Variants in SOX6 observed in about 807,000 individuals in gnomAD.
SOX6 encodes the protein transcription factor SOX-6.
In SOX6, 11 loss-of-function variants were observed where a neutral mutation model predicts 97.8. That is an observed-to-expected ratio of 0.11 (90% CI 0.07 to 0.19). SOX6 has a LOEUF of 0.19. Ranked by LOEUF, SOX6 falls within the 10% of genes least tolerant of loss-of-function variation. The pLI is 1.00. For missense variants in SOX6, 810 were observed against 1,039.5 expected (o/e 0.78, Z 3.04); for synonymous variants, 360 against 371.4 (o/e 0.97, Z 0.35).
chr11:16,132,429 GAA>G (rs1489004011), intron 6 of SOX6, among the ~76,000 whole-genome samples: 4 of 89,368 alleles, frequency 4.5e-5, no homozygotes, highest in African/African-American at 2.0e-4. Context: ...AAGAAAGAAA[GAA>G]AGAAAGAAAG....
intron 3 of SOX6, among the ~76,000 whole-genome samples, chr11:16,638,840 T>C (rs939541829): frequency 5.3e-5 from 8 of 152,214 alleles, no homozygotes; most frequent in African/African-American, 1.9e-4. Flanking sequence ...GATGAGTAGA[T>C]TGCAAAAATT....
At chr11:16,513,231 A>G (rs1332262836) in intron 4 of SOX6, among the ~76,000 whole-genome samples, 1 of 152,234 alleles carries the variant, frequency 6.6e-6, no homozygotes, top group African/African-American at 2.4e-5. Context: ...AAGAAAATGT[A>G]CACAAGCTTA....
At chr11:16,637,581 G>A (rs67078773) in intron 3 of SOX6, among the ~76,000 whole-genome samples, 1 of 152,028 alleles carries the variant, frequency 6.6e-6, no homozygotes, top group South Asian at 2.1e-4. Flanking sequence ...GCTTTAGTTA[G>A]ATCCCAAAAA....
intron 4 of SOX6, among the ~76,000 whole-genome samples, chr11:16,522,318 C>A (rs988032630): frequency 2.0e-5 from 3 of 152,036 alleles, no homozygotes; most frequent in African/African-American, 7.2e-5. Flanking sequence ...ACAGTGGGGG[C>A]CAATATTCAA....
intron 3 of SOX6, among the ~76,000 whole-genome samples, chr11:16,712,633 C>T (rs1382089638): frequency 2.6e-5 from 4 of 152,162 alleles, no homozygotes; most frequent in African/African-American, 9.7e-5. Context: ...ATGCTGTTCC[C>T]TTTACCTAAA....
chr11:15,980,129 C>T (rs1853614490), intron 15 of SOX6, among the ~76,000 whole-genome samples: 1 of 151,964 alleles, frequency 6.6e-6, no homozygotes, highest in Admixed American at 6.6e-5. Context: ...ATGAAAATAA[C>T]CATCTTTAGA....
At chr11:16,601,653 A>C (rs951579201) in intron 4 of SOX6, among the ~76,000 whole-genome samples, 59 of 152,272 alleles carry the variant, frequency 3.9e-4, no homozygotes, top group Admixed American at 1.2e-3. Context: ...CTTTTTCAAA[A>C]GAAATTCATT....
chr11:16,560,732 T>G (rs1337083574), intron 4 of SOX6, among the ~76,000 whole-genome samples: 7 of 152,030 alleles, frequency 4.6e-5, no homozygotes, highest in Admixed American at 3.9e-4. Context: ...AATTGTAAAC[T>G]CAATCTGAGG....
chr11:16,594,730 A>G (rs1450465201), intron 4 of SOX6, among the ~76,000 whole-genome samples: 1 of 107,972 alleles, frequency 9.3e-6, no homozygotes, highest in African/African-American at 3.7e-5. Context: ...TCACTCTGTC[A>G]CCCAGGCTGT....
At chr11:16,522,355 C>G (rs528770154) in intron 4 of SOX6, among the ~76,000 whole-genome samples, 2 of 152,130 alleles carry the variant, frequency 1.3e-5, no homozygotes, top group South Asian at 4.2e-4. Context: ...AATTTTCAAC[C>G]CAGAATTTCA....
chr11:16,347,551 T>C (rs1450593493), intron 1 of SOX6, among the ~76,000 whole-genome samples: 2 of 152,142 alleles, frequency 1.3e-5, no homozygotes, highest in Non-Finnish European at 2.9e-5. Context: ...TGAATTTATT[T>C]ATGTAAGTTC....
chr11:16,651,742 C>T (rs765185029), intron 3 of SOX6, among the ~76,000 whole-genome samples: 12 of 151,994 alleles, frequency 7.9e-5, no homozygotes, highest in African/African-American at 1.2e-4. Flanking sequence ...CTCACCACTT[C>T]GATTCAACAT....
intron 3 of SOX6, among the ~76,000 whole-genome samples, chr11:16,661,484 ATG>A (rs1847765107): frequency 6.6e-6 from 1 of 152,080 alleles, no homozygotes; most frequent in Non-Finnish European, 1.5e-5. Context: ...ACCATTTTCT[ATG>A]TGCTGCACCT....
chr11:16,731,272 AC>A (rs1848347678), intron 2 of SOX6, among the ~76,000 whole-genome samples: 1 of 152,262 alleles, frequency 6.6e-6, no homozygotes, highest in East Asian at 1.9e-4. Flanking sequence ...TGATACCAAA[AC>A]CTGGCAGAGA....
intron 3 of SOX6, among the ~76,000 whole-genome samples, chr11:16,302,860 G>A (rs11023906): frequency 0.17 from 25,742 of 151,916 alleles, 2,656 homozygotes; most frequent in Admixed American, 0.29. Flanking sequence ...AGGAGCCACC[G>A]CACCCGGCCA....
intron 4 of SOX6, among the ~76,000 whole-genome samples, chr11:16,216,627 AT>A (rs1051303448): frequency 3.3e-5 from 5 of 151,616 alleles, no homozygotes; most frequent in Non-Finnish European, 5.9e-5. Flanking sequence ...AAAAAAAAAA[AT>A]CATAACTCTT....
At chr11:16,265,278 G>A (rs1854046260) in intron 3 of SOX6, among the ~76,000 whole-genome samples, 1 of 151,832 alleles carries the variant, frequency 6.6e-6, no homozygotes, top group Admixed American at 6.6e-5. Context: ...ATAAAGGCCT[G>A]GGAATAGTCC....
intron 3 of SOX6, among the ~76,000 whole-genome samples, chr11:16,678,247 T>C (rs536567567): frequency 6.6e-6 from 1 of 152,336 alleles, no homozygotes; most frequent in African/African-American, 2.4e-5. Flanking sequence ...AAGTGATGGA[T>C]TTGAGAGTTT....
chr11:16,196,192 G>C (rs541626168), intron 4 of SOX6, among the ~76,000 whole-genome samples: 4 of 152,180 alleles, frequency 2.6e-5, no homozygotes, highest in Non-Finnish European at 5.9e-5. Context: ...ACAGTCCTAT[G>C]AAGTAGGTCA....
Sources: gnomAD v4.1 joint callset for allele counts (sites outside exome capture counted in the v4.1 genomes callset) on GRCh38, gnomAD v4.1.1 for gene constraint, MANE v1.5 for transcripts, NCBI Gene and HGNC (gene_info 2026-07-23, HGNC 2026-07-21) for gene names.